The following CRAT variants were observed in gnomAD, a reference collection of about 807,000 sequenced individuals.
CRAT encodes the protein carnitine O-acetyltransferase, also known as carnitine acetylase.
In CRAT, 66 loss-of-function variants were observed where a neutral mutation model predicts 73.7. The ratio of observed to expected loss-of-function variants is 0.90; its 90% CI spans 0.73 to 1.10. The LOEUF is 1.10. Ranked by LOEUF, CRAT falls within the 50% of genes least tolerant of loss-of-function variation. CRAT has a pLI of 0.00. For missense variants in CRAT, 745 were observed against 846.9 expected (o/e 0.88, Z 1.49); for synonymous variants, 321 against 343.2 (o/e 0.94, Z 0.71).
chr9:129,101,513 G>A (rs1005516884), intron 6 of CRAT, among the ~76,000 whole-genome samples: 2 of 152,208 alleles, frequency 1.3e-5, no homozygotes, highest in African/African-American at 4.8e-5. Flanking sequence ...AGTTAAGCCC[G>A]CTCCCACCAG....
At position 129,098,696 on chromosome 9, in the gene CRAT, C is replaced by A. The variant is rs779154967; in HGVS notation, c.1086-46G>T. ...CAGGCTCATGCTGGTGCCTCTAGAG[C>A]CTGGGTCCATTCTGGGACCAGGGTG... On this transcript the variant is annotated intron_variant, in intron 8 of 13. Transcript: ENST00000318080. The A allele has an allele frequency of 2.5e-6, 4 of 1,569,046 alleles. No homozygotes were observed. In the East Asian group the frequency reaches 6.9e-5, roughly 27 times the overall value.
chr9:129,097,029 C>G (rs1193872060), intron 12 of CRAT, among the ~76,000 whole-genome samples: 1 of 150,940 alleles, frequency 6.6e-6, no homozygotes, highest in Admixed American at 6.6e-5. Context: ...AATCACACCA[C>G]TGCACTCCAG....
Position 129,099,968 on chromosome 9 carries a change from T to C in CRAT, c.985-2A>G. ...GGAGCCATCTTCTGCCACGATGAAC[T>C]GTGGAAGGGAAGGGAGACCCCGGTC... is the stretch of plus-strand genomic sequence containing the variant. On this transcript the variant is annotated splice_acceptor_variant, in intron 7 of 13. Transcript: ENST00000318080. LOFTEE classifies it high-confidence loss of function. 6.2e-7 allele frequency: 1 copy of C among 1,612,870 alleles called. No homozygotes were observed. Among genetic ancestry groups the C allele is most frequent in the African/African-American group, 1.3e-5 (1 of 75,004 alleles).
At position 129,110,530 on chromosome 9, in the gene CRAT, C is replaced by A. The variant is rs778854217; in HGVS notation, c.-21G>T. 1 of 1,578,508 alleles carries A rather than the reference C, an allele frequency of 6.3e-7. No individual in the cohort carries two copies. The highest frequency in any genetic ancestry group is 8.6e-7 in the Non-Finnish European group (1 of 1,168,934). ...AACATCTTCGCTGCCCGTCCGCGGACACGCAGTCCGCTCCGCCCCACACAC... is the reference window on the plus strand; with the variant it reads ...AACATCTTCGCTGCCCGTCCGCGGAAACGCAGTCCGCTCCGCCCCACACAC... On this transcript the variant is annotated 5_prime_UTR_variant, in exon 1 of 14. Coordinates refer to ENST00000318080, the MANE Select transcript of CRAT (RefSeq NM_000755.5). The surrounding 1 kb of genome is among the most constrained non-coding windows in gnomAD (Gnocchi z 5.3).
chr9:129,101,734 T>A, intron 6 of CRAT, 149 bp downstream of exon 6: 1 of 1,009,980 alleles, frequency 9.9e-7, no homozygotes, highest in Non-Finnish European at 1.4e-6. Context: ...AACTGGCCCC[T>A]GGCTCCCACC....
In CRAT at chr9:129,098,775, G is replaced by T. The variant is rs1350008360; in HGVS notation, c.1086-125C>A. 9.5e-6 allele frequency: 11 copies of T among 1,157,502 alleles called. No individual in the cohort carries two copies. The African/African-American group carries it at 1.7e-4, about 18-fold the overall frequency. The allele number at this position is 1,157,502 out of a possible 1,614,324, so 71.7% of individuals were successfully genotyped here. On this transcript the variant is annotated intron_variant, in intron 8 of 13. Transcript: ENST00000318080. ...GGCCAGCCCAGGGAGGTGTGAGTTTGTTCTGAAAACCACCCTCACTTCAGC... is the reference window on the plus strand; with the variant it reads ...GGCCAGCCCAGGGAGGTGTGAGTTTTTTCTGAAAACCACCCTCACTTCAGC...
intron 2 of CRAT, 66 bp from the exon 3 acceptor site, chr9:129,104,372 C>T: frequency 1.5e-6 from 2 of 1,330,326 alleles, no homozygotes; most frequent in African/African-American, 1.5e-5. Flanking sequence ...TTCCCCAGGG[C>T]TAGGGGACCT....
At chr9:129,105,379 G>A (rs1284954100) in intron 2 of CRAT, among the ~76,000 whole-genome samples, 2 of 151,884 alleles carry the variant, frequency 1.3e-5, no homozygotes, top group Non-Finnish European at 2.9e-5. Flanking sequence ...AAAGTGCCAC[G>A]GTGCTATCTC....
chr9:129,097,979 C>CCCAGCT (rs748861170), intron 11 of CRAT, 34 bp downstream of exon 11: 9 of 1,605,044 alleles, frequency 5.6e-6, no homozygotes, highest in Non-Finnish European at 7.7e-6. Flanking sequence ...GGGGCTCAGG[C>CCCAGCT]CCAGCTCACC....
rs560508389 is a variant in CRAT at position 129,098,082 on chromosome 9, G to A, written c.1395C>T (p.Thr465=). 9 of 1,614,048 alleles carry A rather than the reference G, an allele frequency of 5.6e-6. No homozygotes were observed. Among genetic ancestry groups the A allele is most frequent in the South Asian group, 1.1e-5 (1 of 91,078 alleles). The change falls in exon 11 of 14, where the codon ACC becomes ACT. Residue 465 remains threonine (T), a synonymous_variant. Transcript: ENST00000318080. The part of the protein sequence containing the change: ...ASLRMFHLGR[T]DTIRSASMDS... The stretch of plus-strand genomic sequence containing the variant: ...CCATGGAAGCCGAGCGGATGGTGTC[G>A]GTGCGGCCCAGGTGAAACATGCGCA...
chr9:129,097,239 G>C lies in CRAT; in HGVS notation c.1527+11C>G, dbSNP rs1206881907. On this transcript the variant is annotated intron_variant, in intron 12 of 13. Coordinates refer to ENST00000318080, the MANE Select transcript of CRAT (RefSeq NM_000755.5). ...AGGGACAAGTGAGTAGGCACAAGCG[G>C]GCTCACTTACCCGGTCGGTGTAGCC... The C allele has an allele frequency of 6.4e-7, 1 of 1,552,894 alleles. No individual in the cohort carries two copies. Among genetic ancestry groups the C allele is most frequent in the Non-Finnish European group, 8.7e-7 (1 of 1,147,516 alleles).
At chr9:129,100,257 A>G in intron 7 of CRAT, 1 of 580,078 alleles carries the variant, frequency 1.7e-6, no homozygotes, top group Non-Finnish European at 3.0e-6. Context: ...TGCACTGGTG[A>G]CCCCGGATCC....
intron 6 of CRAT, among the ~76,000 whole-genome samples, chr9:129,101,226 T>C (rs1017566363): frequency 9.2e-5 from 14 of 152,220 alleles, no homozygotes; most frequent in Admixed American, 2.0e-4. Flanking sequence ...GTTGAGAGGA[T>C]GCAGCGGGAA....
At chr9:129,100,207 C>T in intron 7 of CRAT, 1 of 581,934 alleles carries the variant, frequency 1.7e-6, no homozygotes, top group South Asian at 2.2e-5. Flanking sequence ...TGACCATCAC[C>T]CCATTTTACA....
rs745486235 is a variant in CRAT, at chr9:129,095,009, ATGG to A, written c.*385_*387del. 106 of 259,430 alleles carry A rather than the reference ATGG, an allele frequency of 4.1e-4. No homozygotes were observed. Among genetic ancestry groups the A allele is most frequent in the Non-Finnish European group, 6.9e-4 (92 of 132,752 alleles). 16.1% of individuals were successfully genotyped at this position (259,430 alleles called of 1,614,324 possible). ...TGGGAGTTTGGGAAGCAGGGTACAG[ATGG>A]TGGCCTGGTCATGGAGTTGGCAGGG... On this transcript the variant is annotated 3_prime_UTR_variant, in exon 14 of 14. Coordinates refer to ENST00000318080, the MANE Select transcript of CRAT (RefSeq NM_000755.5).
intron 3 of CRAT, 98 bp downstream of exon 3, chr9:129,104,090 G>A: frequency 1.4e-6 from 1 of 723,104 alleles, no homozygotes; most frequent in Non-Finnish European, 2.3e-6. Context: ...TGCTTGTGGG[G>A]CAGAAAGATA....
Position 129,097,897 on chromosome 9 carries a change from C to T in CRAT, c.1464+116G>A, listed in dbSNP as rs1415197919. On this transcript the variant is annotated intron_variant, in intron 11 of 13. Coordinates refer to ENST00000318080, the MANE Select transcript of CRAT (RefSeq NM_000755.5). ...CACGGCTCCAGCTTCTGTTAGATTCCCCGTGCCCACCATGGGGCTGGAATC... is the reference window on the plus strand; with the variant it reads ...CACGGCTCCAGCTTCTGTTAGATTCTCCGTGCCCACCATGGGGCTGGAATC... 4.9e-6 allele frequency: 7 copies of T among 1,437,244 alleles called. No individual in the cohort carries two copies. In the Admixed American group the frequency reaches 1.2e-4, roughly 25 times the overall value. 89.0% of individuals were successfully genotyped at this position (1,437,244 alleles called of 1,614,324 possible).
In CRAT at chr9:129,107,835, C is replaced by G; in HGVS notation, c.270G>C (p.Arg90=). The G allele has an allele frequency of 1.9e-6, 3 of 1,612,968 alleles. No individual in the cohort carries two copies. Among genetic ancestry groups the G allele is most frequent in the Non-Finnish European group, 2.5e-6 (3 of 1,180,006 alleles). ...TCACCCAGTTCTCCGTCTTCCTGGC[C>G]CGACGCTCCAGCCCCTTCTGCAGGC... The part of the protein sequence containing the change: ...GERLQKGLER[R]ARKTENWLSE... Residue 90 remains arginine, a synonymous_variant, in exon 2 of 14, where the codon CGG becomes CGC. Coordinates refer to ENST00000318080, the MANE Select transcript of CRAT (RefSeq NM_000755.5). The surrounding 1 kb of genome is among the most constrained non-coding windows in gnomAD (Gnocchi z 5.0).
intron 6 of CRAT, among the ~76,000 whole-genome samples, chr9:129,101,323 T>C (rs1847660295): frequency 6.6e-6 from 1 of 152,006 alleles, no homozygotes; most frequent in East Asian, 1.9e-4. Context: ...AAACTGGCCA[T>C]AAAAATAGGG....
Sources: gnomAD v4.1 joint callset for allele counts (sites outside exome capture counted in the v4.1 genomes callset) on GRCh38, gnomAD v4.1.1 for gene constraint, Gnocchi (gnomAD v3.1) non-coding constraint, MANE v1.5 for transcripts, NCBI Gene and HGNC (gene_info 2026-07-23, HGNC 2026-07-21) for gene names.